The following ADAMTS20 variants were observed in gnomAD, a reference collection of about 807,000 sequenced individuals.
The protein encoded by ADAMTS20 is A disintegrin and metalloproteinase with thrombospondin motifs 20.
Under a neutral mutation model 260.1 loss-of-function variants are expected in ADAMTS20, and 225 were observed. The observed-to-expected ratio is 0.87, with a 90% CI of 0.78 to 0.97. The LOEUF (loss-of-function observed/expected upper bound fraction) is 0.97. ADAMTS20 is among the 50% of genes least tolerant of loss of function. ADAMTS20 has a pLI of 0.00. For missense variants in ADAMTS20, 2,400 were observed against 2,337.7 expected (o/e 1.03, Z -0.55); for synonymous variants, 802 against 769.5 (o/e 1.04, Z -0.70).
At chr12:43,371,387 C>T (rs1051768758) in intron 36 of ADAMTS20, among the ~76,000 whole-genome samples, 3 of 152,052 alleles carry the variant, frequency 2.0e-5, no homozygotes, top group South Asian at 2.1e-4. Context: ...ATAGATATTG[C>T]GAACACAACA....
Position 43,440,139 on chromosome 12 carries a change from C to CTT in ADAMTS20, c.2291-72_2291-71dup, listed in dbSNP as rs35606718. ...AACAATACAGAAAACACTTGTTTAACTTTTTTTTTTTTTTTTTTTTTTGAG... is the reference window on the plus strand; with the variant it reads ...AACAATACAGAAAACACTTGTTTAACTTTTTTTTTTTTTTTTTTTTTTTTGAG... On this transcript the variant is annotated intron_variant, in intron 16 of 38. Coordinates refer to ENST00000389420, the MANE Select transcript of ADAMTS20 (RefSeq NM_025003.5). The CTT allele has an allele frequency of 6.2e-3, 3,456 of 554,016 alleles. 3 individuals carry two copies. The highest frequency in any genetic ancestry group is 0.015 in the African/African-American group (590 of 39,480). 34.3% of individuals were successfully genotyped at this position (554,016 alleles called of 1,614,324 possible).
At chr12:43,546,417 T>A (rs1943441236) in intron 2 of ADAMTS20, among the ~76,000 whole-genome samples, 1 of 151,504 alleles carries the variant, frequency 6.6e-6, no homozygotes, top group Admixed American at 6.6e-5. Flanking sequence ...AGAAGTTAAC[T>A]GTCTAGGCAG....
chr12:43,379,684 A>G (rs561824265), intron 31 of ADAMTS20, among the ~76,000 whole-genome samples: 7 of 152,328 alleles, frequency 4.6e-5, no homozygotes, highest in South Asian at 2.1e-4. Flanking sequence ...AGAGACTTCA[A>G]TGGCCATGTA....
chr12:43,411,645 G>GGCAT (rs1395997299), intron 28 of ADAMTS20, among the ~76,000 whole-genome samples: 3 of 152,136 alleles, frequency 2.0e-5, no homozygotes, highest in Admixed American at 2.0e-4. Flanking sequence ...TGGGATTACA[G>GGCAT]GCATGAGTCA....
At position 43,551,321 on chromosome 12, in the gene ADAMTS20, C is replaced by A; in HGVS notation, c.92-51G>T. On this transcript the variant is annotated intron_variant, in intron 1 of 38. Coordinates refer to ENST00000389420, the MANE Select transcript of ADAMTS20 (RefSeq NM_025003.5). This position sits in a 1 kb window ranked among gnomAD's most constrained non-coding sequence, Gnocchi z 4.6. ...GAGCTCCCACGCGTTCCTCATTGTCCAACTCTAAACTTCTTCCACCAAACG... is the reference window on the plus strand; with the variant it reads ...GAGCTCCCACGCGTTCCTCATTGTCAAACTCTAAACTTCTTCCACCAAACG... 1 of 1,565,266 alleles carries A rather than the reference C, an allele frequency of 6.4e-7. No homozygotes were observed. The highest frequency in any genetic ancestry group is 8.7e-7 in the Non-Finnish European group (1 of 1,154,740).
rs560025166 is a variant in ADAMTS20 at position 43,526,326 on chromosome 12, C to T, written c.613+5710G>A. ...AAAAGAAATTAGCCAGGCGTGGTGGCGGGCACCTGTAATCCCAGCTACTCG... is the reference window on the plus strand; with the variant it reads ...AAAAGAAATTAGCCAGGCGTGGTGGTGGGCACCTGTAATCCCAGCTACTCG... On this transcript the variant is annotated intron_variant, in intron 3 of 38. Transcript: ENST00000389420. Among the ~76,000 whole-genome samples, 5 of 152,076 alleles carry T rather than the reference C, an allele frequency of 3.3e-5. No individual in the cohort carries two copies. The East Asian group carries it at 9.7e-4, about 29-fold the overall frequency.
At chr12:43,358,474 G>C in intron 37 of ADAMTS20, among the ~76,000 whole-genome samples, 1 of 152,184 alleles carries the variant, frequency 6.6e-6, no homozygotes, top group East Asian at 1.9e-4. Context: ...GGCAGACATG[G>C]TGTCAAGTAC....
At chr12:43,534,678 G>A (rs1943269708) in intron 2 of ADAMTS20, among the ~76,000 whole-genome samples, 1 of 152,024 alleles carries the variant, frequency 6.6e-6, no homozygotes, top group African/African-American at 2.4e-5. Flanking sequence ...TCTGTGTAGT[G>A]ATATAGAAAG....
At chr12:43,495,309 T>C (rs1942661879) in intron 4 of ADAMTS20, among the ~76,000 whole-genome samples, 1 of 152,204 alleles carries the variant, frequency 6.6e-6, no homozygotes, top group African/African-American at 2.4e-5. Context: ...GGATAGTGGC[T>C]ATAAAACATA....
chr12:43,542,431 C>A (rs1208136504), intron 2 of ADAMTS20, among the ~76,000 whole-genome samples: 4 of 152,064 alleles, frequency 2.6e-5, no homozygotes, highest in African/African-American at 9.7e-5. Flanking sequence ...ATATTTGTAG[C>A]ATATATTTTC....
At chr12:43,392,486 T>C in intron 29 of ADAMTS20, among the ~76,000 whole-genome samples, 1 of 152,088 alleles carries the variant, frequency 6.6e-6, no homozygotes, top group East Asian at 1.9e-4. Flanking sequence ...TATGAACCTC[T>C]TCTCTAAAAA....
chr12:43,501,481 G>GCGCGCACACACA (rs373746834), intron 4 of ADAMTS20, among the ~76,000 whole-genome samples: 8 of 117,858 alleles, frequency 6.8e-5, no homozygotes, highest in African/African-American at 1.6e-4. Flanking sequence ...GCGCGCGCGC[G>GCGCGCACACACA]CACACACACA....
At chr12:43,537,838 G>C (rs149597414) in intron 2 of ADAMTS20, among the ~76,000 whole-genome samples, 4 of 152,278 alleles carry the variant, frequency 2.6e-5, no homozygotes, top group Non-Finnish European at 5.9e-5. Flanking sequence ...TGTTAGAAAT[G>C]ACTAGATCTC....
intron 2 of ADAMTS20, among the ~76,000 whole-genome samples, chr12:43,543,553 C>G (rs1212572344): frequency 6.6e-6 from 1 of 152,192 alleles, no homozygotes. Flanking sequence ...CAAAGAGCCA[C>G]ATCTTGACTT....
chr12:43,417,810 A>T (rs1463813169), intron 28 of ADAMTS20, among the ~76,000 whole-genome samples: 1 of 152,234 alleles, frequency 6.6e-6, no homozygotes, highest in Non-Finnish European at 1.5e-5. Context: ...TGTCAGTCTG[A>T]CATACAACAT....
chr12:43,436,389 G>C (rs1259349607), intron 18 of ADAMTS20, among the ~76,000 whole-genome samples: 1 of 151,752 alleles, frequency 6.6e-6, no homozygotes, highest in African/African-American at 2.4e-5. Context: ...AATGAAAACA[G>C]AATGTGAACC....
intron 2 of ADAMTS20, among the ~76,000 whole-genome samples, chr12:43,539,327 C>T (rs948886590): frequency 6.6e-6 from 1 of 152,110 alleles, no homozygotes; most frequent in Non-Finnish European, 1.5e-5. Flanking sequence ...TCTTTCAATG[C>T]TGAAAAGTAA....
intron 2 of ADAMTS20, among the ~76,000 whole-genome samples, chr12:43,536,862 T>A (rs938071462): frequency 1.3e-5 from 2 of 152,182 alleles, no homozygotes; most frequent in African/African-American, 4.8e-5. Context: ...TTTAAAACTT[T>A]GCACTTTTCC....
chr12:43,424,656 A>G (rs1941295987), intron 28 of ADAMTS20, among the ~76,000 whole-genome samples: 1 of 152,114 alleles, frequency 6.6e-6, no homozygotes, highest in Admixed American at 6.6e-5. Flanking sequence ...TTATATGCCT[A>G]AACAAGACAC....
Sources: gnomAD v4.1 joint callset for allele counts (sites outside exome capture counted in the v4.1 genomes callset) on GRCh38, gnomAD v4.1.1 for gene constraint, Gnocchi (gnomAD v3.1) non-coding constraint, MANE v1.5 for transcripts, NCBI Gene and HGNC (gene_info 2026-07-23, HGNC 2026-07-21) for gene names.